The following GALNT12 variants were observed in gnomAD, a reference collection of about 807,000 sequenced individuals.
The protein encoded by GALNT12 is UDP-GalNAc:polypeptide N-acetylgalactosaminyltransferase 12.
A neutral mutation model predicts 55.5 loss-of-function variants in GALNT12; 45 were observed. That is an observed-to-expected ratio of 0.81 (90% CI 0.64 to 1.04). GALNT12 has a LOEUF of 1.04. GALNT12 is among the 50% of genes least tolerant of loss of function. GALNT12 has a pLI of 0.00. For synonymous variants in GALNT12, 304 were observed against 312.2 expected, an observed-to-expected ratio of 0.97 and a Z score of 0.28; for missense variants, 709 against 754.8, an observed-to-expected ratio of 0.94 and a Z score of 0.71.
At chr9:98,820,507 A>G (rs562227532) in intron 1 of GALNT12, among the ~76,000 whole-genome samples, 220 of 152,286 alleles carry the variant, frequency 1.4e-3, no homozygotes, top group African/African-American at 5.1e-3. Flanking sequence ...ATTGATGGGC[A>G]TTTAGGTTGA....
intron 5 of GALNT12, 53 bp downstream of exon 5, chr9:98,835,419 G>C: frequency 8.9e-7 from 1 of 1,126,350 alleles, no homozygotes; most frequent in South Asian, 1.2e-5. Flanking sequence ...TCTCTCTTTG[G>C]GAACGATGGG....
At position 98,835,378 on chromosome 9, in the gene GALNT12, A is replaced by G. The variant is rs775189273; in HGVS notation, c.1035+12A>G. ...AATTTTCCTTTAGGGTAAGTATTTC[A>G]GTCTTCTCTTTGGACATGTTCTTAA... On this transcript the variant is annotated intron_variant, in intron 5 of 9. Coordinates refer to ENST00000375011, the MANE Select transcript of GALNT12 (RefSeq NM_024642.5). 3.4e-6 allele frequency: 5 copies of G among 1,475,382 alleles called. No homozygotes were observed. The African/African-American group carries it at 4.2e-5, about 12-fold the overall frequency. The allele number at this position is 1,475,382 out of a possible 1,614,324, so 91.4% of individuals were successfully genotyped here. A position where few individuals can be genotyped will look rare whatever the true frequency, so the allele number is the denominator to read the frequency against.
At chr9:98,825,459 C>T (rs757347363) in intron 2 of GALNT12, among the ~76,000 whole-genome samples, 90 of 152,180 alleles carry the variant, frequency 5.9e-4, no homozygotes, top group Non-Finnish European at 1.1e-3. Flanking sequence ...CCCACCATTT[C>T]TGCAGTGTCA....
chr9:98,836,877 T>A, intron 5 of GALNT12, 95 bp from the exon 6 acceptor site: 1 of 1,315,286 alleles, frequency 7.6e-7, no homozygotes, highest in Non-Finnish European at 1.1e-6. Flanking sequence ...GTGTCCATCA[T>A]GCCTTGCGTG....
At chr9:98,825,529 A>C (rs1265799995) in intron 2 of GALNT12, among the ~76,000 whole-genome samples, 1 of 152,254 alleles carries the variant, frequency 6.6e-6, no homozygotes, top group Admixed American at 6.5e-5. Context: ...GTTCAGGCAG[A>C]CATAAAATTA....
chr9:98,812,787 C>G (rs764627402), intron 1 of GALNT12, among the ~76,000 whole-genome samples: 1 of 152,034 alleles, frequency 6.6e-6, no homozygotes, highest in Non-Finnish European at 1.5e-5. Flanking sequence ...TCCCCTCATT[C>G]CATTTTTTTC....
intron 2 of GALNT12, among the ~76,000 whole-genome samples, chr9:98,826,016 T>C (rs980700300): frequency 1.3e-5 from 2 of 152,104 alleles, no homozygotes; most frequent in Non-Finnish European, 2.9e-5. Context: ...TATTTATTGA[T>C]TTATTTATAG....
intron 1 of GALNT12, among the ~76,000 whole-genome samples, chr9:98,819,434 T>C (rs1368247027): frequency 6.6e-6 from 1 of 152,148 alleles, no homozygotes; most frequent in Non-Finnish European, 1.5e-5. Context: ...GCTTTCATGC[T>C]TCCAGCCTGG....
chr9:98,820,148 T>C (rs1361414469), intron 1 of GALNT12, among the ~76,000 whole-genome samples: 1 of 152,184 alleles, frequency 6.6e-6, no homozygotes, highest in African/African-American at 2.4e-5. Flanking sequence ...GTTTGTTACA[T>C]AGGTAAACGT....
chr9:98,811,537 G>T lies in GALNT12; in HGVS notation c.371+3468G>T, dbSNP rs78906806. Among the ~76,000 whole-genome samples, 789 of 152,296 alleles carry T rather than the reference G, an allele frequency of 5.2e-3. 5 individuals are homozygous for T. The highest frequency in any genetic ancestry group is 0.023 in the South Asian group (111 of 4,822). ...CATTCTCTACCAGGGCAGAAGAACT[G>T]TGAACCATTGGTCAAGGAAAGCATG... On this transcript the variant is annotated intron_variant, in intron 1 of 9. Coordinates refer to ENST00000375011, the MANE Select transcript of GALNT12 (RefSeq NM_024642.5).
intron 1 of GALNT12, among the ~76,000 whole-genome samples, chr9:98,818,580 G>A (rs1382598976): frequency 6.6e-6 from 1 of 151,930 alleles, no homozygotes; most frequent in Non-Finnish European, 1.5e-5. Flanking sequence ...ATCTAAGCAA[G>A]AATCAGGTGT....
chr9:98,812,703 G>A (rs867865727), intron 1 of GALNT12, among the ~76,000 whole-genome samples: 2 of 152,124 alleles, frequency 1.3e-5, no homozygotes, highest in Non-Finnish European at 2.9e-5. Context: ...CTTATTTTAT[G>A]TTTTCATTTG....
chr9:98,842,924 A>C (rs1055917836), intron 7 of GALNT12, among the ~76,000 whole-genome samples: 1 of 152,168 alleles, frequency 6.6e-6, no homozygotes, highest in African/African-American at 2.4e-5. Context: ...CTTTTTTCAT[A>C]CTAAGCCTTG....
chr9:98,843,999 G>A lies in GALNT12; in HGVS notation c.1345-97G>A, dbSNP rs1836355573. On this transcript the variant is annotated intron_variant, in intron 7 of 9. Transcript: ENST00000375011. Reference sequence around the variant, plus strand: ...CCTTTGCGTCTAGCTCTTGAAGCAGGCTCTCCTCTCATGCCAGGTACCCTC... The same window carrying A: ...CCTTTGCGTCTAGCTCTTGAAGCAGACTCTCCTCTCATGCCAGGTACCCTC... The A allele has an allele frequency of 2.1e-5, 17 of 806,032 alleles. No homozygotes were observed. The South Asian group carries it at 2.3e-4, about 11-fold the overall frequency. The allele number at this position is 806,032 out of a possible 1,614,324, so 49.9% of individuals were successfully genotyped here.
chr9:98,841,694 A>G (rs528581307), intron 7 of GALNT12, among the ~76,000 whole-genome samples: 55 of 151,990 alleles, frequency 3.6e-4, no homozygotes, highest in Admixed American at 1.6e-3. Flanking sequence ...TTTGAGAGAA[A>G]AGTCTTGCTC....
intron 3 of GALNT12, among the ~76,000 whole-genome samples, chr9:98,831,451 T>C (rs529219798): frequency 6.6e-6 from 1 of 152,332 alleles, no homozygotes; most frequent in African/African-American, 2.4e-5. Flanking sequence ...AGGTGTTTCA[T>C]TGTGATTAAA....
Position 98,823,412 on chromosome 9 carries a change from C to G in GALNT12, c.528C>G (p.Asp176Glu), listed in dbSNP as rs780049629. The G allele has an allele frequency of 5.9e-5, 95 of 1,614,008 alleles. No individual in the cohort carries two copies. Among genetic ancestry groups the G allele is most frequent in the Non-Finnish European group, 8.0e-5 (94 of 1,179,958 alleles). The change falls in exon 2 of 10, where the codon GAC (aspartate) becomes GAG (glutamate). Residue 176 changes from aspartate to glutamate, a missense_variant. Around this residue, in one of 5 missense-constraint regions of GALNT12, gnomAD observed 315 missense variants for 288.6 expected, o/e 1.09. Coordinates refer to ENST00000375011, the MANE Select transcript of GALNT12 (RefSeq NM_024642.5). ...ILLEEVILVDDYSDREHLKER... is the reference protein window; with the variant it reads ...ILLEEVILVDEYSDREHLKER... ...TAGAAGAAGTGATCCTTGTAGATGA[C>G]TACAGTGATAGAGGTGAGTCCCGGC...
chr9:98,834,866 C>T (rs181738911), intron 4 of GALNT12, among the ~76,000 whole-genome samples: 26 of 152,316 alleles, frequency 1.7e-4, no homozygotes, highest in Non-Finnish European at 2.2e-4. Flanking sequence ...TTTGCTCATG[C>T]TGGAGAACCA....
chr9:98,830,610 G>A (rs986579678), intron 3 of GALNT12, among the ~76,000 whole-genome samples: 10 of 152,252 alleles, frequency 6.6e-5, no homozygotes, highest in African/African-American at 2.4e-4. Flanking sequence ...TTTGCCAGGG[G>A]CCAGCTAGAA....
Sources: allele counts gnomAD v4.1 joint callset (sites outside exome capture counted in the v4.1 genomes callset), GRCh38; gene constraint gnomAD v4.1.1; regional missense constraint gnomAD v4.1.1; transcripts MANE v1.5; gene names NCBI Gene and HGNC (gene_info 2026-07-23, HGNC 2026-07-21).